NUDCD3: variants seen among roughly 807,000 people sequenced by gnomAD.
The protein encoded by NUDCD3 is NudC domain containing 3.
A neutral mutation model predicts 39.7 loss-of-function variants in NUDCD3; 13 were observed. The ratio of observed to expected loss-of-function variants is 0.33; its 90% confidence interval spans 0.21 to 0.52. The LOEUF is 0.52. Among genes scored for constraint, NUDCD3 ranks in the 20% least tolerant of loss-of-function variants. The pLI is 0.96. For synonymous variants in NUDCD3, 175 were observed against 172.4 expected (o/e 1.02, Z -0.12); for missense variants, 453 against 458.1 (o/e 0.99, Z 0.10).
chr7:44,479,311 A>C (rs1191272435), intron 2 of NUDCD3, among the ~76,000 whole-genome samples: 2 of 152,216 alleles, frequency 1.3e-5, no homozygotes, highest in East Asian at 3.9e-4. Context: ...AAAGGAATGA[A>C]TTGTATTGTT....
intron 2 of NUDCD3, among the ~76,000 whole-genome samples, chr7:44,472,794 A>G (rs1800281875): frequency 6.6e-6 from 1 of 152,230 alleles, no homozygotes; most frequent in African/African-American, 2.4e-5. Flanking sequence ...AGGTAACAGT[A>G]GCCCAGAAAG....
In NUDCD3 at chr7:44,380,336, G is replaced by A. The variant is rs138394117; in HGVS notation, c.*5675C>T. The A allele has an allele frequency of 6.6e-6, 1 of 152,322 alleles. No homozygotes were observed. Among genetic ancestry groups the A allele is most frequent in the African/African-American group, 2.4e-5 (1 of 41,422 alleles). The allele number at this position is 152,322 out of a possible 1,614,324, so 9.4% of individuals were successfully genotyped here. A position where few individuals can be genotyped will look rare whatever the true frequency, so the allele number is the denominator to read the frequency against. ...GGACAGCCTCATTGAGACAGCCCTA[G>A]ACTAACAGTCACCCATATTGAGCCC... On this transcript the variant is annotated 3_prime_UTR_variant, in exon 6 of 6. Coordinates refer to ENST00000355451, the MANE Select transcript of NUDCD3 (RefSeq NM_015332.4).
intron 2 of NUDCD3, chr7:44,484,467 G>T (rs980059801): frequency 6.5e-6 from 1 of 153,524 alleles, no homozygotes; most frequent in Non-Finnish European, 1.5e-5. Flanking sequence ...ACATTTTATA[G>T]AGAAGAAAAC....
chr7:44,420,914 A>C (rs1026515798), intron 3 of NUDCD3, among the ~76,000 whole-genome samples: 2 of 152,260 alleles, frequency 1.3e-5, no homozygotes, highest in African/African-American at 4.8e-5. Flanking sequence ...TATAAAGACC[A>C]ACAACACTAT....
At chr7:44,471,582 A>C (rs1365562454) in intron 2 of NUDCD3, among the ~76,000 whole-genome samples, 1 of 152,194 alleles carries the variant, frequency 6.6e-6, no homozygotes, top group African/African-American at 2.4e-5. Flanking sequence ...TTGCACAGGA[A>C]AGGCACATAG....
At chr7:44,462,945 CTGTGTGTG>C (rs3138779) in intron 2 of NUDCD3, among the ~76,000 whole-genome samples, 9,015 of 146,410 alleles carry the variant, frequency 0.062, 322 homozygotes, top group African/African-American at 0.1. Flanking sequence ...CACAACCAGG[CTGTGTGTG>C]TGTGTGTGTG....
At chr7:44,425,579 T>A (rs567760957) in intron 3 of NUDCD3, among the ~76,000 whole-genome samples, 2 of 152,290 alleles carry the variant, frequency 1.3e-5, no homozygotes, top group East Asian at 3.9e-4. Context: ...AAGATTAAAC[T>A]TCCACTGGGA....
At chr7:44,460,983 C>A (rs1043411407) in intron 2 of NUDCD3, among the ~76,000 whole-genome samples, 14 of 152,184 alleles carry the variant, frequency 9.2e-5, no homozygotes, top group African/African-American at 3.1e-4. Context: ...TTCTTTTCTC[C>A]TACCACATAT....
In NUDCD3 at chr7:44,479,620, T is replaced by C. The variant is rs1380869796; in HGVS notation, c.509+5348A>G. ...CTGTAGTATACAAAAAGGGAGTTTTTGCCTAATACTGGTTAGAACCGAAAA... is the reference window on the plus strand; with the variant it reads ...CTGTAGTATACAAAAAGGGAGTTTTCGCCTAATACTGGTTAGAACCGAAAA... On this transcript the variant is annotated intron_variant, in intron 2 of 5. Coordinates refer to ENST00000355451, the MANE Select transcript of NUDCD3 (RefSeq NM_015332.4). Among the ~76,000 whole-genome samples the C allele has an allele frequency of 3.3e-5, 5 of 152,218 alleles. 1 individual carries two copies. In the East Asian group the frequency reaches 9.6e-4, roughly 29 times the overall value.
At chr7:44,408,737 A>G in intron 3 of NUDCD3, among the ~76,000 whole-genome samples, 1 of 152,208 alleles carries the variant, frequency 6.6e-6, no homozygotes, top group East Asian at 1.9e-4. Context: ...TCTCAGTAAG[A>G]ACAGTGAGCT....
chr7:44,392,258 G>A, intron 5 of NUDCD3, 39 bp downstream of exon 5: 1 of 1,591,532 alleles, frequency 6.3e-7, no homozygotes, highest in Non-Finnish European at 8.6e-7. Flanking sequence ...CAGCACAAGG[G>A]CCTAAAGGGT....
chr7:44,454,061 CG>C (rs1799844559), intron 2 of NUDCD3, among the ~76,000 whole-genome samples: 1 of 152,060 alleles, frequency 6.6e-6, no homozygotes, highest in African/African-American at 2.4e-5. Flanking sequence ...TAATAAAGGC[CG>C]GGCATGGTGG....
chr7:44,484,830 G>A (rs1468670713), intron 2 of NUDCD3, 138 bp downstream of exon 2: 1 of 695,968 alleles, frequency 1.4e-6, no homozygotes, highest in Non-Finnish European at 2.4e-6. Flanking sequence ...CTGTAATGCA[G>A]CAGTTTACAA....
At position 44,490,428 on chromosome 7, in the gene NUDCD3, G is replaced by C. The variant is rs1483554719; in HGVS notation, c.173C>G (p.Ala58Gly). ...CCTCACCTGCAGCACCAAGGCCTGC[G>C]CGGCCCCGGGCGGGAAGCCCATGCG... ...SDRMGFPPGAAQALVLQVFKT... is the reference protein window; with the variant it reads ...SDRMGFPPGAGQALVLQVFKT... Residue 58 changes from alanine to glycine, a missense_variant, in exon 1 of 6, where the codon GCG becomes GGG. Ala to Gly is a moderately conservative substitution (Grantham distance 60). Transcript: ENST00000355451. 6.3e-7 allele frequency: 1 copy of C among 1,578,142 alleles called. No homozygotes were observed. Among genetic ancestry groups the C allele is most frequent in the Non-Finnish European group, 8.6e-7 (1 of 1,163,096 alleles).
In NUDCD3 at chr7:44,379,204, G is replaced by A. The variant is rs1037771330; in HGVS notation, c.*6807C>T. 1.3e-5 allele frequency: 2 copies of A among 151,924 alleles called. No homozygotes were observed. Among genetic ancestry groups the A allele is most frequent in the Non-Finnish European group, 2.9e-5 (2 of 68,074 alleles). The allele number at this position is 151,924 out of a possible 1,614,324, so 9.4% of individuals were successfully genotyped here. On this transcript the variant is annotated 3_prime_UTR_variant, in exon 6 of 6. Transcript: ENST00000355451. Reference sequence around the variant, plus strand: ...ACAGTGGTGCACACTTACAGTCCCAGCTACTTGGGAGGCTGAAGCAGGAGG... The same window carrying A: ...ACAGTGGTGCACACTTACAGTCCCAACTACTTGGGAGGCTGAAGCAGGAGG...
intron 2 of NUDCD3, 146 bp downstream of exon 2, chr7:44,484,822 G>T: frequency 1.5e-6 from 1 of 677,052 alleles, no homozygotes; most frequent in Non-Finnish European, 2.5e-6. Flanking sequence ...CTGAAAGACT[G>T]TAATGCAGCA....
At chr7:44,420,265 C>T (rs2050978072) in intron 3 of NUDCD3, among the ~76,000 whole-genome samples, 1 of 151,814 alleles carries the variant, frequency 6.6e-6, no homozygotes, top group Non-Finnish European at 1.5e-5. Flanking sequence ...TGAAGATCAA[C>T]TTACTGAAAT....
chr7:44,408,283 T>C (rs1798865484), intron 3 of NUDCD3, among the ~76,000 whole-genome samples: 1 of 151,962 alleles, frequency 6.6e-6, no homozygotes, highest in Non-Finnish European at 1.5e-5. Context: ...GGATGAAAAC[T>C]GAAAAAGAGG....
At chr7:44,415,847 A>G (rs1373082451) in intron 3 of NUDCD3, among the ~76,000 whole-genome samples, 3 of 152,200 alleles carry the variant, frequency 2.0e-5, no homozygotes, top group Non-Finnish European at 4.4e-5. Flanking sequence ...CATCGTGACA[A>G]TGTCCCATAG....
Sources: allele counts gnomAD v4.1 joint callset (sites outside exome capture counted in the v4.1 genomes callset), GRCh38; gene constraint gnomAD v4.1.1; transcripts MANE v1.5; gene names NCBI Gene and HGNC (gene_info 2026-07-23, HGNC 2026-07-21).